ZNF141: variants seen among roughly 807,000 people sequenced by gnomAD.
ZNF141 encodes the protein zinc finger protein 141.
ZNF141 carries 7 observed loss-of-function variants against 11.3 expected under a neutral mutation model. The ratio of observed to expected loss-of-function variants is 0.62; its 90% CI spans 0.35 to 1.16. The LOEUF (loss-of-function observed/expected upper bound fraction) is 1.16. Ranked by LOEUF, ZNF141 falls within the 50% of genes most tolerant of loss-of-function variation. The probability of loss-of-function intolerance (pLI) is 0.02; values close to 1 mark genes in which losing one functional copy is unlikely to be tolerated. For missense variants in ZNF141, 535 were observed against 554.0 expected (o/e 0.97, Z 0.34); for synonymous variants, 183 against 190.7 (o/e 0.96, Z 0.33).
At chr4:350,229 C>G (rs1196349140) in intron 3 of ZNF141, 3 of 534,520 alleles carry the variant, frequency 5.6e-6, no homozygotes, top group Non-Finnish European at 1.2e-5. Context: ...AGTTGGCCAT[C>G]TGAGTGAGGG....
chr4:383,335 G>A lies in ZNF141; in HGVS notation c.*9473G>A, dbSNP rs1257485883. The A allele has an allele frequency of 8.7e-6, 5 of 575,904 alleles. No homozygotes were observed. The highest frequency in any genetic ancestry group is 1.5e-5 in the Non-Finnish European group (5 of 326,886). The allele number at this position is 575,904 out of a possible 1,614,324, so 35.7% of individuals were successfully genotyped here. ...AGCTAGTATGTTTCGGGATTGTTAT[G>A]CAGTTATAAGTTAGTAATATATACA... is the stretch of plus-strand genomic sequence containing the variant. On this transcript the variant is annotated 3_prime_UTR_variant, in exon 4 of 4. Transcript: ENST00000240499.
intron 3 of ZNF141, among the ~76,000 whole-genome samples, chr4:367,760 C>T (rs945371428): frequency 6.6e-6 from 1 of 152,012 alleles, no homozygotes; most frequent in South Asian, 2.1e-4. Context: ...CATGATCTGT[C>T]CGCCACGGCC....
rs925725128 is a variant in ZNF141, at chr4:381,632, A to T, written c.*7770A>T. On this transcript the variant is annotated 3_prime_UTR_variant, in exon 4 of 4. Transcript: ENST00000240499. ...ACCATGTTGGCCAGGCTGGTCTCAA[A>T]CTCCTGACCTTAAGTGATCCACCCA... 3.3e-5 allele frequency among the ~76,000 whole-genome samples: 5 copies of T among 150,160 alleles called. No homozygotes were observed. The highest frequency in any genetic ancestry group is 9.8e-5 in the African/African-American group (4 of 40,736).
rs1463873205 is a variant in ZNF141 at position 381,624 on chromosome 4, G to C, written c.*7762G>C. Reference sequence around the variant, plus strand: ...GGGGTTTCACCATGTTGGCCAGGCTGGTCTCAAACTCCTGACCTTAAGTGA... The same window carrying C: ...GGGGTTTCACCATGTTGGCCAGGCTCGTCTCAAACTCCTGACCTTAAGTGA... On this transcript the variant is annotated 3_prime_UTR_variant, in exon 4 of 4. Transcript: ENST00000240499. Among the ~76,000 whole-genome samples, 1 of 151,806 alleles carries C rather than the reference G, an allele frequency of 6.6e-6. No individual in the cohort carries two copies. The highest frequency in any genetic ancestry group is 2.4e-5 in the African/African-American group (1 of 41,302).
At chr4:340,048 T>C (rs1172566419) in intron 1 of ZNF141, among the ~76,000 whole-genome samples, 1 of 152,248 alleles carries the variant, frequency 6.6e-6, no homozygotes, top group Non-Finnish European at 1.5e-5. Context: ...GTAGACTGCC[T>C]GTAATGCACA....
rs568132358 is a variant in ZNF141, at chr4:365,154, TCTC to T, written c.227-7507_227-7505del. On this transcript the variant is annotated intron_variant, in intron 3 of 3. Transcript: ENST00000240499. ...CTGGCAAGCCAGGCGTGGGATATAA[TCTC>T]CTGGTGTGCCGTTTGCTAAGACCAT... Among the ~76,000 whole-genome samples the T allele has an allele frequency of 1.7e-4, 26 of 152,284 alleles. 1 individual carries two copies. The highest frequency in any genetic ancestry group is 1.4e-3 in the Admixed American group (21 of 15,306).
In ZNF141 at chr4:376,720, G is replaced by T. The variant is rs1553854711; in HGVS notation, c.*2858G>T. Among the ~76,000 whole-genome samples, 1 of 152,036 alleles carries T rather than the reference G, an allele frequency of 6.6e-6. No homozygotes were observed. The highest frequency in any genetic ancestry group is 1.5e-5 in the Non-Finnish European group (1 of 67,946). ...AGAGCAAGCAATTGTGTTTATGTGAGTTTGTACCTATTTTCCAAAGAAAAT... is the reference window on the plus strand; with the variant it reads ...AGAGCAAGCAATTGTGTTTATGTGATTTTGTACCTATTTTCCAAAGAAAAT... On this transcript the variant is annotated 3_prime_UTR_variant, in exon 4 of 4. Coordinates refer to ENST00000240499, the MANE Select transcript of ZNF141 (RefSeq NM_003441.4).
At chr4:363,200 G>A (rs1278096487) in intron 3 of ZNF141, among the ~76,000 whole-genome samples, 2 of 152,204 alleles carry the variant, frequency 1.3e-5, no homozygotes, top group Non-Finnish European at 2.9e-5. Flanking sequence ...TTATAGGAAT[G>A]CTCGTGATTT....
intron 3 of ZNF141, among the ~76,000 whole-genome samples, chr4:349,251 G>T (rs1162483440): frequency 6.6e-6 from 1 of 151,484 alleles, no homozygotes; most frequent in Non-Finnish European, 1.5e-5. Context: ...CTGGGCAATA[G>T]AGTGAGGCCC....
At position 381,945 on chromosome 4, in the gene ZNF141, A is replaced by ATTTTTTTTTTTTTTTTTTTTTT. The variant is rs1553855749; in HGVS notation, c.*8083_*8084insTTTTTTTTTTTTTTTTTTTTTT. Among the ~76,000 whole-genome samples the ATTTTTTTTTTTTTTTTTTTTTT allele has an allele frequency of 9.1e-6, 1 of 110,060 alleles. No homozygotes were observed. Among genetic ancestry groups the ATTTTTTTTTTTTTTTTTTTTTT allele is most frequent in the African/African-American group, 5.0e-5 (1 of 20,122 alleles). The allele number at this position is 110,060 out of a possible 152,430, so 72.2% of individuals were successfully genotyped here. A position where few individuals can be genotyped will look rare whatever the true frequency, so the allele number is the denominator to read the frequency against. The stretch of plus-strand genomic sequence containing the variant: ...GCTAGGGCCACCACCATCTCTGGGA[A>ATTTTTTTTTTTTTTTTTTTTTT]CTTTTTTTTTTTTTTTTTTTGAGAC... On this transcript the variant is annotated 3_prime_UTR_variant, in exon 4 of 4. Transcript: ENST00000240499.
In ZNF141 at chr4:373,069, C is replaced by A; in HGVS notation, c.632C>A (p.Ser211Tyr). The A allele has an allele frequency of 6.2e-7, 1 of 1,613,066 alleles. No individual in the cohort carries two copies. The change falls in exon 4 of 4, where the codon TCT becomes TAT. Residue 211 changes from serine (S) to tyrosine (Y), a missense_variant. Transcript: ENST00000240499. ...GAATGTGGCAAAGCCTTTAAATGGT[C>A]TTTAATATTTAATGAACATAAGAGA... is the stretch of plus-strand genomic sequence containing the variant. ...CEECGKAFKW[S>Y]LIFNEHKRIH...
intron 3 of ZNF141, chr4:358,183 C>CTTTTTT (rs575102486): frequency 6.6e-5 from 20 of 301,886 alleles, no homozygotes; most frequent in South Asian, 1.4e-4. Flanking sequence ...GTTTCTCGTT[C>CTTTTTT]TTTTTTTTTT....
In ZNF141 at chr4:374,138, G is replaced by A. The variant is rs3946; in HGVS notation, c.*276G>A. ...GAGATAAACCCTGCAAATGTAAAGA[G>A]TGTAACAAAACCTTTAAACAGCCCT... On this transcript the variant is annotated 3_prime_UTR_variant, in exon 4 of 4. Coordinates refer to ENST00000240499, the MANE Select transcript of ZNF141 (RefSeq NM_003441.4). 0.41 allele frequency: 183,801 copies of A among 449,726 alleles called. 38,599 individuals are homozygous for A. The highest frequency in any genetic ancestry group is 0.56 in the African/African-American group (28,654 of 50,998). The allele number at this position is 449,726 out of a possible 1,614,324, so 27.9% of individuals were successfully genotyped here.
At chr4:364,200 C>T (rs1030427525) in intron 3 of ZNF141, among the ~76,000 whole-genome samples, 4 of 152,064 alleles carry the variant, frequency 2.6e-5, no homozygotes, top group Non-Finnish European at 5.9e-5. Flanking sequence ...ATGATGCTGG[C>T]CTCATAAAAT....
rs1332460782 is a variant in ZNF141 at position 383,527 on chromosome 4, G to A, written c.*9665G>A. ...CAGGAGAATAGGGTTTGGAGGCAGGGAACTTAAGGCCAATTCGTGCTGACT... is the reference window on the plus strand; with the variant it reads ...CAGGAGAATAGGGTTTGGAGGCAGGAAACTTAAGGCCAATTCGTGCTGACT... On this transcript the variant is annotated 3_prime_UTR_variant, in exon 4 of 4. Transcript: ENST00000240499. 2.6e-5 allele frequency: 5 copies of A among 195,484 alleles called. No individual in the cohort carries two copies. The highest frequency in any genetic ancestry group is 7.0e-5 in the African/African-American group (3 of 43,084). 12.1% of individuals were successfully genotyped at this position (195,484 alleles called of 1,614,324 possible). A position where few individuals can be genotyped will look rare whatever the true frequency, so the allele number is the denominator to read the frequency against.
chr4:366,856 C>G (rs1711767983), intron 3 of ZNF141, among the ~76,000 whole-genome samples: 1 of 151,866 alleles, frequency 6.6e-6, no homozygotes, highest in Non-Finnish European at 1.5e-5. Context: ...TTAGGAGAGA[C>G]AGTGTTTCGC....
rs534634096 is a variant in ZNF141, at chr4:384,802, T to G, written c.*10940T>G. ...GAACTCAGCCCCATTTCTGGCAACC[T>G]GCTTTCATGTCCCCTTTCTGCTGAG... On this transcript the variant is annotated 3_prime_UTR_variant, in exon 4 of 4. Transcript: ENST00000240499. 6.6e-6 allele frequency: 1 copy of G among 152,288 alleles called. No homozygotes were observed. Among genetic ancestry groups the G allele is most frequent in the African/African-American group, 2.4e-5 (1 of 41,456 alleles). The allele number at this position is 152,288 out of a possible 1,614,324, so 9.4% of individuals were successfully genotyped here.
chr4:344,829 T>C (rs1206171583), intron 3 of ZNF141, among the ~76,000 whole-genome samples: 2 of 152,058 alleles, frequency 1.3e-5, no homozygotes, highest in Non-Finnish European at 2.9e-5. Flanking sequence ...ACCAGGTAGT[T>C]TGGGAAGCTC....
intron 3 of ZNF141, among the ~76,000 whole-genome samples, chr4:361,994 A>G (rs1711517756): frequency 6.6e-6 from 1 of 152,244 alleles, no homozygotes; most frequent in African/African-American, 2.4e-5. Flanking sequence ...AGTCCCATCA[A>G]CAGTGTAAAA....
Sources: allele counts gnomAD v4.1 joint callset (sites outside exome capture counted in the v4.1 genomes callset), GRCh38; gene constraint gnomAD v4.1.1; transcripts MANE v1.5; gene names NCBI Gene and HGNC (gene_info 2026-07-23, HGNC 2026-07-21).